Variants in IQANK1 observed in about 807,000 individuals in gnomAD.
IQANK1 encodes IQ motif and ankyrin repeat containing 1, also known as IQ motif and ankyrin repeat domain-containing protein 1.
IQANK1 carries 30 observed loss-of-function variants against 22.6 expected under a neutral mutation model. That is an observed-to-expected ratio of 1.33 (90% CI 0.99 to 1.80). The LOEUF is 1.80. Among genes scored for constraint, IQANK1 ranks in the 40% most tolerant of loss-of-function variants. IQANK1 has a pLI of 0.00. For missense variants in IQANK1, 275 were observed against 235.2 expected, an observed-to-expected ratio of 1.17 and a Z score of -1.11; for synonymous variants, 122 against 99.6, an observed-to-expected ratio of 1.23 and a Z score of -1.34.
intron 3 of IQANK1, chr8:143,742,821 A>G (rs1198340602): frequency 4.4e-6 from 2 of 456,002 alleles, no homozygotes; most frequent in African/African-American, 4.0e-5. Flanking sequence ...CCTGGGCCAC[A>G]CTGGGGATGG....
At position 143,772,481 on chromosome 8, in the gene IQANK1, G is replaced by GGGAGCACCCCTGAGCT. The variant is rs1819598913; in HGVS notation, c.789+1_789+2insAGCACCCCTGAGCTGG. 5 of 399,166 alleles carry GGGAGCACCCCTGAGCT rather than the reference G, an allele frequency of 1.3e-5. No individual in the cohort carries two copies. In the East Asian group the frequency reaches 1.8e-4, roughly 14 times the overall value. 24.7% of individuals were successfully genotyped at this position (399,166 alleles called of 1,614,324 possible). On this transcript the variant is annotated stop_gained and frameshift_variant and splice_region_variant, in exon 7 of 14. Transcript: ENST00000527139. LOFTEE classifies it high-confidence loss of function. ...GCAGAGGACGGGAGCACCCCTGAGCGGGTGTGGACCCCAGAGGTGTGGGCC... is the reference window on the plus strand; with the variant it reads ...GCAGAGGACGGGAGCACCCCTGAGCGGGAGCACCCCTGAGCTGGTGTGGACCCCAGAGGTGTGGGCC...
chr8:143,759,103 ACTG>A (rs1819344774), intron 3 of IQANK1: 1 of 323,868 alleles, frequency 3.1e-6, no homozygotes, highest in East Asian at 9.5e-5. Flanking sequence ...CTGATCTTCG[ACTG>A]CCATGAAGAG....
At chr8:143,742,697 C>T (rs1377228659) in intron 3 of IQANK1, 2 of 455,862 alleles carry the variant, frequency 4.4e-6, no homozygotes, top group African/African-American at 4.0e-5. Context: ...CTGCGGGAAG[C>T]TCCAAAGGGG....
At chr8:143,782,987 A>G (rs1467462994) in intron 7 of IQANK1, among the ~76,000 whole-genome samples, 2 of 152,166 alleles carry the variant, frequency 1.3e-5, no homozygotes, top group Admixed American at 6.5e-5. Flanking sequence ...CGTGAGATTC[A>G]GTCTTGTTGC....
intron 7 of IQANK1, among the ~76,000 whole-genome samples, chr8:143,777,538 A>G (rs1319122784): frequency 7.4e-5 from 11 of 148,954 alleles, no homozygotes; most frequent in Non-Finnish European, 1.5e-4. Context: ...AAAAAAAAAA[A>G]ACAAACCACT....
chr8:143,755,501 T>C (rs1819275059), intron 3 of IQANK1, among the ~76,000 whole-genome samples: 1 of 152,062 alleles, frequency 6.6e-6, no homozygotes, highest in Admixed American at 6.6e-5. Flanking sequence ...GTAGCTGGGA[T>C]TACAGGCGCC....
At position 143,752,996 on chromosome 8, in the gene IQANK1, G is replaced by GTTTTTTT. The variant is rs34993930; in HGVS notation, c.175+13067_175+13073dup. Reference sequence around the variant, plus strand: ...CCCACAGGTCCCTTACTCTCTGTTCGTTTTTTTTTTTTTTTTTTTTTTTTT... The same window carrying GTTTTTTT: ...CCCACAGGTCCCTTACTCTCTGTTCGTTTTTTTTTTTTTTTTTTTTTTTTTTTTTTTT... On this transcript the variant is annotated intron_variant, in intron 3 of 13. Coordinates refer to ENST00000527139, the MANE Select transcript of IQANK1 (RefSeq NM_001381874.1). 2.5e-3 allele frequency among the ~76,000 whole-genome samples: 173 copies of GTTTTTTT among 69,928 alleles called. 19 individuals are homozygous for GTTTTTTT. Among genetic ancestry groups the GTTTTTTT allele is most frequent in the African/African-American group, 8.4e-3 (135 of 16,072 alleles). 45.9% of individuals were successfully genotyped at this position (69,928 alleles called of 152,430 possible). A position where few individuals can be genotyped will look rare whatever the true frequency, so the allele number is the denominator to read the frequency against.
intron 3 of IQANK1, among the ~76,000 whole-genome samples, chr8:143,766,562 C>T (rs6999795): frequency 0.42 from 63,184 of 151,678 alleles, 17,986 homozygotes; most frequent in African/African-American, 0.81. Flanking sequence ...TCCCAGCTAC[C>T]TGGGAGGCTG....
intron 2 of IQANK1, among the ~76,000 whole-genome samples, chr8:143,736,707 A>G (rs1172462369): frequency 3.3e-5 from 5 of 152,126 alleles, no homozygotes; most frequent in South Asian, 2.1e-4. Context: ...CACCTTCTCC[A>G]TAGTCACTTC....
intron 2 of IQANK1, among the ~76,000 whole-genome samples, chr8:143,736,268 T>C (rs2129740420): frequency 6.6e-6 from 1 of 152,036 alleles, no homozygotes; most frequent in South Asian, 2.1e-4. Context: ...GCCTCCCGAG[T>C]AGCTGGGATT....
intron 7 of IQANK1, among the ~76,000 whole-genome samples, chr8:143,773,317 C>A (rs571307684): frequency 1.2e-3 from 164 of 133,674 alleles, no homozygotes; most frequent in South Asian, 4.9e-3. Context: ...AAAAAAAAAA[C>A]AAAAAAAACA....
At chr8:143,768,230 TTG>T in intron 3 of IQANK1, among the ~76,000 whole-genome samples, 1 of 152,056 alleles carries the variant, frequency 6.6e-6, no homozygotes, top group Non-Finnish European at 1.5e-5. Context: ...AGAAATGATG[TTG>T]TGTTTTTGAC....
At chr8:143,768,072 G>A (rs969290943) in intron 3 of IQANK1, among the ~76,000 whole-genome samples, 8 of 151,114 alleles carry the variant, frequency 5.3e-5, no homozygotes, top group South Asian at 4.2e-4. Flanking sequence ...TAGTAGAGAC[G>A]GGGTTTCACC....
chr8:143,763,537 C>T (rs1334694649), intron 3 of IQANK1, among the ~76,000 whole-genome samples: 3 of 152,156 alleles, frequency 2.0e-5, no homozygotes, highest in Admixed American at 6.5e-5. Flanking sequence ...GTTTGGTGCC[C>T]TCCTCACCAT....
rs1819337888 is a variant in IQANK1, at chr8:143,758,759, C to A, written c.176-12729C>A. 6.5e-6 allele frequency: 1 copy of A among 152,792 alleles called. No individual in the cohort carries two copies. Among genetic ancestry groups the A allele is most frequent in the African/African-American group, 2.4e-5 (1 of 41,478 alleles). 9.5% of individuals were successfully genotyped at this position (152,792 alleles called of 1,614,324 possible). On this transcript the variant is annotated intron_variant, in intron 3 of 13. Transcript: ENST00000527139. This position sits in a 1 kb window ranked among gnomAD's most constrained non-coding sequence, Gnocchi z 4.2. The stretch of plus-strand genomic sequence containing the variant: ...GCGTCCAGTCCTCCAAGAACCAGCA[C>A]TGCCGGAGCCTCGCTGTGGTTTCTT...
In IQANK1 at chr8:143,750,970, T is replaced by G. The variant is rs922429725; in HGVS notation, c.175+11022T>G. 2.9e-4 allele frequency among the ~76,000 whole-genome samples: 37 copies of G among 125,814 alleles called. 4 individuals are homozygous for G. Among genetic ancestry groups the G allele is most frequent in the Admixed American group, 2.3e-3 (28 of 12,226 alleles). 82.5% of individuals were successfully genotyped at this position (125,814 alleles called of 152,430 possible). On this transcript the variant is annotated intron_variant, in intron 3 of 13. Coordinates refer to ENST00000527139, the MANE Select transcript of IQANK1 (RefSeq NM_001381874.1). The stretch of plus-strand genomic sequence containing the variant: ...TGTGTGTGTGTGTGTGTGTGTGTTT[T>G]TTTGTAGTGAAATGTTTCAATTTCT...
intron 3 of IQANK1, among the ~76,000 whole-genome samples, chr8:143,748,031 G>A (rs1405096720): frequency 9.9e-5 from 14 of 141,338 alleles, no homozygotes; most frequent in African/African-American, 3.5e-4. Flanking sequence ...TTTCACTCCT[G>A]TCACCCAGGC....
At position 143,763,205 on chromosome 8, in the gene IQANK1, G is replaced by A. The variant is rs570841333; in HGVS notation, c.176-8283G>A. 7.9e-4 allele frequency among the ~76,000 whole-genome samples: 120 copies of A among 152,088 alleles called. 1 individual carries two copies. Among genetic ancestry groups the A allele is most frequent in the African/African-American group, 2.8e-3 (116 of 41,514 alleles). On this transcript the variant is annotated intron_variant, in intron 3 of 13. Transcript: ENST00000527139. ...TAATTTTTGTATTTTTATTAGAGAC[G>A]GGGTTTCACCATGTCAGCCAGGCTG...
At chr8:143,764,937 C>T (rs1399373426) in intron 3 of IQANK1, among the ~76,000 whole-genome samples, 1 of 152,210 alleles carries the variant, frequency 6.6e-6, no homozygotes, top group Non-Finnish European at 1.5e-5. Flanking sequence ...GTCACCAACA[C>T]TATTGCATCC....
Sources: allele counts gnomAD v4.1 joint callset (sites outside exome capture counted in the v4.1 genomes callset), GRCh38; gene constraint gnomAD v4.1.1; non-coding constraint Gnocchi (gnomAD v3.1); transcripts MANE v1.5; gene names NCBI Gene and HGNC (gene_info 2026-07-23, HGNC 2026-07-21).